PTPRG: variants seen among roughly 807,000 people sequenced by gnomAD.
The protein encoded by PTPRG is protein tyrosine phosphatase receptor type G, also known as receptor-type tyrosine-protein phosphatase gamma.
Under a neutral mutation model 165.3 loss-of-function variants are expected in PTPRG, and 102 were observed. The ratio of observed to expected loss-of-function variants is 0.62; its 90% CI spans 0.53 to 0.73. The LOEUF is 0.73. Among genes scored for constraint, PTPRG ranks in the 30% least tolerant of loss-of-function variants. The pLI, the probability that PTPRG is intolerant of heterozygous loss-of-function variation, is 0.00. For synonymous variants in PTPRG, 675 were observed against 669.5 expected (o/e 1.01, Z -0.13); for missense variants, 1,866 against 1,861.4 (o/e 1.00, Z -0.05).
chr3:62,289,053 ATGTGGTG>A (rs2148900493), intron 28 of PTPRG, among the ~76,000 whole-genome samples: 1 of 152,342 alleles, frequency 6.6e-6, no homozygotes. Flanking sequence ...AACACATGGT[ATGTGGTG>A]TGTGCCAATC....
intron 28 of PTPRG, among the ~76,000 whole-genome samples, chr3:62,287,083 T>C (rs538665282): frequency 6.6e-6 from 1 of 152,228 alleles, no homozygotes; most frequent in Non-Finnish European, 1.5e-5. Context: ...AAGGTGAGAA[T>C]AATCTCACAT....
At chr3:61,803,965 G>C (rs909569361) in intron 2 of PTPRG, among the ~76,000 whole-genome samples, 2 of 152,138 alleles carry the variant, frequency 1.3e-5, no homozygotes, top group African/African-American at 4.8e-5. Context: ...GTTGATTTAT[G>C]GTTCAGAGGG....
At chr3:62,099,321 C>T (rs555608396) in intron 5 of PTPRG, among the ~76,000 whole-genome samples, 34 of 152,194 alleles carry the variant, frequency 2.2e-4, no homozygotes, top group African/African-American at 6.7e-4. Flanking sequence ...CCTTACTAAC[C>T]GTCGCTACTT....
chr3:61,760,688 C>T (rs1038956609), intron 2 of PTPRG, among the ~76,000 whole-genome samples: 3 of 152,124 alleles, frequency 2.0e-5, no homozygotes, highest in Admixed American at 1.3e-4. Flanking sequence ...TGATTTGCTG[C>T]ACCTATCAAC....
intron 2 of PTPRG, among the ~76,000 whole-genome samples, chr3:61,884,851 T>G (rs2037985613): frequency 1.3e-5 from 2 of 152,046 alleles, no homozygotes; most frequent in African/African-American, 4.8e-5. Flanking sequence ...CTAAGGGGAG[T>G]GATCTTCAAA....
At chr3:61,616,811 C>G (rs1466354490) in intron 1 of PTPRG, among the ~76,000 whole-genome samples, 4 of 152,326 alleles carry the variant, frequency 2.6e-5, no homozygotes, top group Non-Finnish European at 5.9e-5. Flanking sequence ...CCTGAGGACT[C>G]TGCCCCACCC....
chr3:61,738,199 A>G (rs904173224), intron 1 of PTPRG, among the ~76,000 whole-genome samples: 5 of 147,484 alleles, frequency 3.4e-5, no homozygotes, highest in Admixed American at 6.8e-5. Flanking sequence ...CGCCCGGCCT[A>G]TGCTGAGGTT....
chr3:61,791,018 T>G (rs142090079), intron 2 of PTPRG, among the ~76,000 whole-genome samples: 14 of 152,306 alleles, frequency 9.2e-5, no homozygotes, highest in South Asian at 2.1e-4. Context: ...GTGGTTAAGG[T>G]AAAGATGTCG....
chr3:62,094,843 A>C (rs1702056739), intron 5 of PTPRG, among the ~76,000 whole-genome samples: 1 of 152,248 alleles, frequency 6.6e-6, no homozygotes, highest in South Asian at 2.1e-4. Context: ...GCCCAGAAGC[A>C]GTTCTGCTCA....
chr3:62,119,853 C>T (rs1177155164), intron 5 of PTPRG, among the ~76,000 whole-genome samples: 1 of 136,582 alleles, frequency 7.3e-6, no homozygotes, highest in African/African-American at 2.8e-5. Flanking sequence ...CCAGGATGGT[C>T]TCGATCTCCT....
rs1369329935 is a variant in PTPRG, at chr3:62,048,681, G to C, written c.520-29482G>C. Among the ~76,000 whole-genome samples the C allele has an allele frequency of 3.3e-5, 5 of 152,184 alleles. No individual in the cohort carries two copies. The East Asian group carries it at 9.6e-4, about 29-fold the overall frequency. ...TTGTATACGGAGATTGGAGTAAATG[G>C]TGCTATTAGCAGACTATTGTCTTCA... On this transcript the variant is annotated intron_variant, in intron 4 of 29. Coordinates refer to ENST00000474889, the MANE Select transcript of PTPRG (RefSeq NM_002841.4).
chr3:61,641,493 C>T (rs1702060260), intron 1 of PTPRG, among the ~76,000 whole-genome samples: 1 of 152,212 alleles, frequency 6.6e-6, no homozygotes, highest in African/African-American at 2.4e-5. Flanking sequence ...CTTGCCTTCT[C>T]TCCATGCCAC....
At chr3:61,718,566 A>AAGG (rs1290806092) in intron 1 of PTPRG, among the ~76,000 whole-genome samples, 1 of 152,228 alleles carries the variant, frequency 6.6e-6, no homozygotes, top group African/African-American at 2.4e-5. Context: ...GAAAGCACAG[A>AAGG]AGGAGGTTTT....
intron 13 of PTPRG, among the ~76,000 whole-genome samples, chr3:62,220,795 T>G (rs1159834389): frequency 6.6e-6 from 1 of 152,206 alleles, no homozygotes; most frequent in Admixed American, 6.5e-5. Context: ...CATGCCTATC[T>G]CTTGGCTCTG....
In PTPRG at chr3:61,992,644, C is replaced by T. The variant is rs1014273107; in HGVS notation, c.370+2840C>T. On this transcript the variant is annotated intron_variant, in intron 3 of 29. Coordinates refer to ENST00000474889, the MANE Select transcript of PTPRG (RefSeq NM_002841.4). ...AAGCAATTCTCCCACCTCAGCAACCCGAGTAGCTGGGAATACAGGAGTGCG... is the reference window on the plus strand; with the variant it reads ...AAGCAATTCTCCCACCTCAGCAACCTGAGTAGCTGGGAATACAGGAGTGCG... 1.1e-4 allele frequency among the ~76,000 whole-genome samples: 16 copies of T among 152,194 alleles called. No homozygotes were observed. The East Asian group carries it at 1.9e-3, about 18-fold the overall frequency.
At chr3:62,259,633 T>C (rs1701634082) in intron 16 of PTPRG, among the ~76,000 whole-genome samples, 2 of 152,178 alleles carry the variant, frequency 1.3e-5, no homozygotes, top group African/African-American at 4.8e-5. Context: ...TTTTGAGATT[T>C]TGGTGAAGAG....
At chr3:61,977,397 A>G (rs2040535922) in intron 2 of PTPRG, among the ~76,000 whole-genome samples, 1 of 152,180 alleles carries the variant, frequency 6.6e-6, no homozygotes, top group South Asian at 2.1e-4. Context: ...TTGGTTAATT[A>G]TAGAAGTATT....
chr3:61,564,142 T>G (rs905256189), intron 1 of PTPRG, among the ~76,000 whole-genome samples: 2 of 152,212 alleles, frequency 1.3e-5, no homozygotes, highest in African/African-American at 2.4e-5. Flanking sequence ...ACAGCTGCCT[T>G]CATTCACTAA....
At chr3:61,578,788 A>G (rs915505306) in intron 1 of PTPRG, among the ~76,000 whole-genome samples, 1 of 152,184 alleles carries the variant, frequency 6.6e-6, no homozygotes, top group African/African-American at 2.4e-5. Context: ...AGGGATGCAA[A>G]GGCACAGCTG....
Sources: gnomAD v4.1 joint callset for allele counts (sites outside exome capture counted in the v4.1 genomes callset) on GRCh38, gnomAD v4.1.1 for gene constraint, MANE v1.5 for transcripts, NCBI Gene and HGNC (gene_info 2026-07-23, HGNC 2026-07-21) for gene names.